Variants in KCNB2 observed in about 807,000 individuals in gnomAD.
The protein encoded by KCNB2 is potassium voltage-gated channel subfamily B member 2, also known as delayed rectifier potassium channel protein.
Under a neutral mutation model 61.5 loss-of-function variants are expected in KCNB2, and 15 were observed. The observed-to-expected ratio is 0.24, with a 90% confidence interval of 0.16 to 0.38. KCNB2 has a LOEUF of 0.38. KCNB2 is among the 10% of genes least tolerant of loss of function. The pLI is 1.00. For synonymous variants in KCNB2, 457 were observed against 446.0 expected, an observed-to-expected ratio of 1.02 and a Z score of -0.31; for missense variants, 828 against 1,125.2, an observed-to-expected ratio of 0.74 and a Z score of 3.78.
At chr8:72,673,000 GTTAAACATAACA>G (rs1233061086) in intron 2 of KCNB2, among the ~76,000 whole-genome samples, 2 of 152,174 alleles carry the variant, frequency 1.3e-5, no homozygotes, top group African/African-American at 4.8e-5. Context: ...TTCTTAAAGA[GTTAAACATAACA>G]TTACCATATG....
At chr8:72,609,334 A>G (rs983864929) in intron 2 of KCNB2, among the ~76,000 whole-genome samples, 2 of 152,240 alleles carry the variant, frequency 1.3e-5, no homozygotes, top group Non-Finnish European at 2.9e-5. Context: ...TAATCCTGAA[A>G]AACAAACTCT....
chr8:72,795,562 A>T (rs1158574185), intron 2 of KCNB2, among the ~76,000 whole-genome samples: 1 of 152,210 alleles, frequency 6.6e-6, no homozygotes, highest in Non-Finnish European at 1.5e-5. Context: ...TGTTTCAATG[A>T]CACAGGAAAT....
chr8:72,807,450 T>C (rs1809243321), intron 2 of KCNB2, among the ~76,000 whole-genome samples: 1 of 152,208 alleles, frequency 6.6e-6, no homozygotes, highest in South Asian at 2.1e-4. Flanking sequence ...ATCTTGTTGA[T>C]GGCTTCTGAA....
chr8:72,672,609 A>C (rs1309006099), intron 2 of KCNB2, among the ~76,000 whole-genome samples: 2 of 151,982 alleles, frequency 1.3e-5, no homozygotes, highest in Non-Finnish European at 2.9e-5. Flanking sequence ...GGTGTTTTTG[A>C]TGTCTTGAAT....
chr8:72,681,404 C>G (rs907224684), intron 2 of KCNB2, among the ~76,000 whole-genome samples: 1 of 151,898 alleles, frequency 6.6e-6, no homozygotes, highest in Admixed American at 6.6e-5. Flanking sequence ...CACATTAACC[C>G]AGGCCTACAC....
chr8:72,864,635 G>A (rs1009068561), intron 2 of KCNB2, among the ~76,000 whole-genome samples: 5 of 152,312 alleles, frequency 3.3e-5, no homozygotes, highest in Middle Eastern at 3.4e-3. Context: ...TGTGAATACC[G>A]ATGTGTGCTG....
intron 2 of KCNB2, among the ~76,000 whole-genome samples, chr8:72,722,763 G>A (rs757330139): frequency 6.6e-6 from 1 of 151,258 alleles, no homozygotes; most frequent in African/African-American, 2.4e-5. Context: ...ATTAAAATAA[G>A]CATGCCTAGA....
intron 2 of KCNB2, among the ~76,000 whole-genome samples, chr8:72,695,112 G>A (rs1806999044): frequency 6.6e-6 from 1 of 152,084 alleles, no homozygotes; most frequent in Admixed American, 6.6e-5. Flanking sequence ...GGAATCATTT[G>A]AGGACTAAAT....
chr8:72,740,333 G>A (rs926232341), intron 2 of KCNB2, among the ~76,000 whole-genome samples: 6 of 152,112 alleles, frequency 3.9e-5, no homozygotes, highest in African/African-American at 7.2e-5. Context: ...TATAAACAGG[G>A]ACCCATGTGT....
At chr8:72,859,410 A>G (rs1018749869) in intron 2 of KCNB2, among the ~76,000 whole-genome samples, 5 of 152,162 alleles carry the variant, frequency 3.3e-5, no homozygotes, top group Admixed American at 6.6e-5. Context: ...GTACAAGTCA[A>G]TGGTTTTCAA....
chr8:72,936,063 G>A lies in KCNB2; in HGVS notation c.708G>A (p.Val236=), dbSNP rs756807108. 9.3e-6 allele frequency: 15 copies of A among 1,614,082 alleles called. No homozygotes were observed. In the South Asian group the frequency reaches 1.6e-4, roughly 18 times the overall value. ...QLNDNRQLAH[V]EAVCIAWFTM... ...ATGACAACCGCCAATTAGCACACGT[G>A]GAGGCTGTGTGTATTGCATGGTTTA... Residue 236 remains valine (V), a synonymous_variant, in exon 3 of 3, where the codon GTG becomes GTA. Coordinates refer to ENST00000523207, the MANE Select transcript of KCNB2 (RefSeq NM_004770.3). The surrounding 1 kb of genome is among the most constrained non-coding windows in gnomAD (Gnocchi z 5.6).
At chr8:72,683,426 A>G (rs2128989317) in intron 2 of KCNB2, among the ~76,000 whole-genome samples, 1 of 152,336 alleles carries the variant, frequency 6.6e-6, no homozygotes, top group East Asian at 1.9e-4. Context: ...GAGAGTTTGC[A>G]AGCAACTTAA....
intron 2 of KCNB2, among the ~76,000 whole-genome samples, chr8:72,623,506 A>G (rs538455370): frequency 1.3e-5 from 2 of 152,304 alleles, no homozygotes; most frequent in Admixed American, 6.5e-5. Flanking sequence ...AGACTTTGGA[A>G]CCCAAACCAT....
chr8:72,733,584 T>C (rs1807787028), intron 2 of KCNB2, among the ~76,000 whole-genome samples: 2 of 152,294 alleles, frequency 1.3e-5, no homozygotes, highest in South Asian at 2.1e-4. Context: ...TATAGGACTG[T>C]CAGCAGACTC....
chr8:72,841,372 CTTTTTTTTTTT>C (rs769263287), intron 2 of KCNB2, among the ~76,000 whole-genome samples: 3 of 34,226 alleles, frequency 8.8e-5, no homozygotes, highest in African/African-American at 2.3e-4. Flanking sequence ...TTTTTTTTTT[CTTTTTTTTTTT>C]TTTTTTTGCT....
Position 72,567,829 on chromosome 8 carries a change from C to T in KCNB2, c.95C>T (p.Thr32Ile). The T allele has an allele frequency of 6.2e-7, 1 of 1,613,926 alleles. No homozygotes were observed. Among genetic ancestry groups the T allele is most frequent in the Middle Eastern group, 1.7e-4 (1 of 6,060 alleles). ...CCTGTGGACATTATCCGGAGCAAAACATGCTCCAGGAGAGTTAAGATCAAT... is the reference window on the plus strand; with the variant it reads ...CCTGTGGACATTATCCGGAGCAAAATATGCTCCAGGAGAGTTAAGATCAAT... ...PEPVDIIRSKTCSRRVKINVG... is the reference protein window; with the variant it reads ...PEPVDIIRSKICSRRVKINVG... The change falls in exon 2 of 3, where the codon ACA (threonine) becomes ATA (isoleucine). Residue 32 changes from threonine to isoleucine, a missense_variant. Coordinates refer to ENST00000523207, the MANE Select transcript of KCNB2 (RefSeq NM_004770.3).
chr8:72,784,755 T>C (rs1309992751), intron 2 of KCNB2, among the ~76,000 whole-genome samples: 3 of 152,154 alleles, frequency 2.0e-5, no homozygotes, highest in African/African-American at 7.2e-5. Context: ...CAATTCAATA[T>C]GAGATTTTGG....
chr8:72,765,370 T>A (rs1226420077), intron 2 of KCNB2, among the ~76,000 whole-genome samples: 1 of 152,202 alleles, frequency 6.6e-6, no homozygotes, highest in African/African-American at 2.4e-5. Context: ...TGGCAAACCT[T>A]ATTAACCCAA....
At chr8:72,575,878 A>G (rs1563527836) in intron 2 of KCNB2, among the ~76,000 whole-genome samples, 1 of 152,206 alleles carries the variant, frequency 6.6e-6, no homozygotes, top group Non-Finnish European at 1.5e-5. Context: ...TAATTTTTTT[A>G]AAGAGTTTGA....
Sources: allele counts gnomAD v4.1 joint callset (sites outside exome capture counted in the v4.1 genomes callset), GRCh38; gene constraint gnomAD v4.1.1; non-coding constraint Gnocchi (gnomAD v3.1); transcripts MANE v1.5; gene names NCBI Gene and HGNC (gene_info 2026-07-23, HGNC 2026-07-21).